Variants in TNNI3K observed in about 807,000 individuals in gnomAD.
TNNI3K encodes the protein serine/threonine-protein kinase TNNI3K.
In TNNI3K, 140 loss-of-function variants were observed where a neutral mutation model predicts 114.5. The ratio of observed to expected loss-of-function variants is 1.22; its 90% CI spans 1.07 to 1.41. TNNI3K has a LOEUF of 1.41. Ranked by LOEUF, TNNI3K falls within the 40% of genes most tolerant of loss-of-function variation. The pLI is 0.00. For missense variants in TNNI3K, 1,125 were observed against 1,007.6 expected (o/e 1.12, Z -1.58); for synonymous variants, 347 against 347.5 (o/e 1.00, Z 0.02).
chr1:74,491,430 G>C (rs1264790863), intron 22 of TNNI3K, among the ~76,000 whole-genome samples: 2 of 152,108 alleles, frequency 1.3e-5, no homozygotes, highest in Non-Finnish European at 2.9e-5. Flanking sequence ...ATGTTGACCA[G>C]ATGGTGTCGA....
Position 74,331,530 on chromosome 1 carries a change from G to T in TNNI3K, c.525G>T (p.Ala175=), listed in dbSNP as rs188990439. 1 of 1,612,696 alleles carries T rather than the reference G, an allele frequency of 6.2e-7. No homozygotes were observed. The highest frequency in any genetic ancestry group is 8.5e-7 in the Non-Finnish European group (1 of 1,179,156). ...AVFFTPLHIA[A]YYGHEQVTRL... is the part of the protein sequence containing the mutation. The stretch of plus-strand genomic sequence containing the variant: ...TTTTCACTCCATTGCATATTGCAGC[G>T]TACTATGGACATGAACAGGTAAGTC... Residue 175 remains alanine (A), a synonymous_variant, in exon 6 of 25, where the codon GCG becomes GCT. Coordinates refer to ENST00000326637, the MANE Select transcript of TNNI3K (RefSeq NM_015978.3).
intron 20 of TNNI3K, 82 bp from the exon 21 acceptor site, chr1:74,463,358 GC>G (rs1667529354): frequency 7.0e-7 from 1 of 1,436,598 alleles, no homozygotes; most frequent in Admixed American, 1.7e-5. Flanking sequence ...GATTTTTAAT[GC>G]CTTTTTGTGT....
chr1:74,367,858 A>AG (rs1432233263), intron 12 of TNNI3K, 50 bp from the exon 13 acceptor site: 4 of 1,511,444 alleles, frequency 2.6e-6, no homozygotes, highest in Non-Finnish European at 8.9e-7. Flanking sequence ...ACTTTTATGT[A>AG]GAAAAAAATG....
chr1:74,336,263 C>T (rs752280444), intron 7 of TNNI3K, 114 bp downstream of exon 7: 2 of 1,302,792 alleles, frequency 1.5e-6, no homozygotes, highest in East Asian at 5.9e-5. Flanking sequence ...TAGTCATGTA[C>T]TTATTTGCTC....
At chr1:74,400,602 C>G (rs895353793) in intron 17 of TNNI3K, among the ~76,000 whole-genome samples, 4 of 152,192 alleles carry the variant, frequency 2.6e-5, no homozygotes, top group African/African-American at 9.6e-5. Context: ...TCTATCATTG[C>G]TCTTTCCCAC....
intron 21 of TNNI3K, chr1:74,475,158 A>ACG: frequency 1.1e-5 from 6 of 548,768 alleles, no homozygotes. Context: ...ACACACACAC[A>ACG]GTATTTTTAG....
intron 2 of TNNI3K, among the ~76,000 whole-genome samples, chr1:74,243,778 A>T (rs975657857): frequency 3.9e-5 from 6 of 152,210 alleles, no homozygotes; most frequent in Admixed American, 2.0e-4. Context: ...AGCATTTACT[A>T]TTAGAAATAT....
intron 11 of TNNI3K, among the ~76,000 whole-genome samples, chr1:74,358,821 A>G (rs936655040): frequency 6.9e-6 from 1 of 143,928 alleles, no homozygotes; most frequent in Admixed American, 7.3e-5. Flanking sequence ...TCATCATTGC[A>G]GGGAGATAAC....
intron 19 of TNNI3K, chr1:74,439,154 A>G (rs945302181): frequency 5.6e-6 from 1 of 178,712 alleles, no homozygotes; most frequent in African/African-American, 2.4e-5. Context: ...ATGTTTATAG[A>G]TTTAAAAAAA....
At chr1:74,435,985 A>G (rs1430354476) in intron 17 of TNNI3K, 95 bp from the exon 18 acceptor site, 1 of 1,475,682 alleles carries the variant, frequency 6.8e-7, no homozygotes, top group East Asian at 2.3e-5. Flanking sequence ...GGGCAAACAA[A>G]TGATGTCTAT....
In TNNI3K at chr1:74,353,244, G is replaced by T. The variant is rs773924345; in HGVS notation, c.933-22G>T. 2.5e-6 allele frequency: 4 copies of T among 1,603,454 alleles called. No homozygotes were observed. In the African/African-American group the frequency reaches 4.1e-5, roughly 16 times the overall value. ...ATAACAAGGACCTTCTATCTTTCTT[G>T]TTTTATGGTTTTTTTTTTCAGTGCT... is the stretch of plus-strand genomic sequence containing the variant. On this transcript the variant is annotated intron_variant, in intron 9 of 24. Coordinates refer to ENST00000326637, the MANE Select transcript of TNNI3K (RefSeq NM_015978.3).
chr1:74,511,866 G>A (rs181460290), intron 23 of TNNI3K, among the ~76,000 whole-genome samples: 4 of 152,264 alleles, frequency 2.6e-5, no homozygotes, highest in East Asian at 3.9e-4. Flanking sequence ...AGGCAGGAAA[G>A]TGGGAACCTG....
intron 17 of TNNI3K, among the ~76,000 whole-genome samples, chr1:74,387,059 T>C (rs139107811): frequency 8.3e-4 from 127 of 152,340 alleles, no homozygotes; most frequent in Non-Finnish European, 1.7e-3. Context: ...TTCATTCTTA[T>C]TATTTGGCAA....
In TNNI3K at chr1:74,271,705, A is replaced by C. The variant is rs772792399; in HGVS notation, c.441A>C (p.Leu147=). The change falls in exon 5 of 25, where the codon CTA becomes CTC. Residue 147 remains leucine (L), a synonymous_variant. Coordinates refer to ENST00000326637, the MANE Select transcript of TNNI3K (RefSeq NM_015978.3). The part of the protein sequence containing the change: ...ALHIATIAGH[L]EAADVLLQHG... ...ATATTGCTACAATAGCTGGCCACCT[A>C]GAGGTAAGTCATGCCTTTGGCACCT... is the stretch of plus-strand genomic sequence containing the variant. The C allele has an allele frequency of 5.6e-6, 9 of 1,605,694 alleles. No homozygotes were observed. Among genetic ancestry groups the C allele is most frequent in the Admixed American group, 5.1e-5 (3 of 59,176 alleles).
chr1:74,331,055 G>T (rs1403846182), intron 5 of TNNI3K, among the ~76,000 whole-genome samples: 2 of 152,090 alleles, frequency 1.3e-5, no homozygotes, highest in African/African-American at 4.8e-5. Flanking sequence ...GAGGAAATCT[G>T]GGAGGAGATG....
chr1:74,306,112 G>A (rs1250370311), intron 5 of TNNI3K, among the ~76,000 whole-genome samples: 1 of 152,068 alleles, frequency 6.6e-6, no homozygotes. Flanking sequence ...TGGAGTATTT[G>A]ATTTTTTGTT....
At chr1:74,537,427 T>C (rs1646673391) in intron 23 of TNNI3K, among the ~76,000 whole-genome samples, 1 of 152,194 alleles carries the variant, frequency 6.6e-6, no homozygotes, top group Admixed American at 6.6e-5. Flanking sequence ...AAACAACATC[T>C]CTACTCTATA....
chr1:74,445,204 C>CTT (rs1332980089), intron 20 of TNNI3K, among the ~76,000 whole-genome samples: 36 of 118,014 alleles, frequency 3.1e-4, no homozygotes, highest in Admixed American at 1.3e-3. Flanking sequence ...TAAAGAACTT[C>CTT]TTTTTTTTTT....
intron 17 of TNNI3K, among the ~76,000 whole-genome samples, chr1:74,422,194 G>T (rs1448303695): frequency 6.6e-6 from 1 of 151,704 alleles, no homozygotes; most frequent in Non-Finnish European, 1.5e-5. Context: ...ATTTAAGAGT[G>T]TTCACACATC....
Sources: allele counts gnomAD v4.1 joint callset (sites outside exome capture counted in the v4.1 genomes callset), GRCh38; gene constraint gnomAD v4.1.1; transcripts MANE v1.5; gene names NCBI Gene and HGNC (gene_info 2026-07-23, HGNC 2026-07-21).